The following EPHA5 variants were observed in gnomAD, a reference collection of about 807,000 sequenced individuals.
EPHA5 encodes the protein EPH receptor A5.
A neutral mutation model predicts 105.0 loss-of-function variants in EPHA5; 60 were observed. That is an observed-to-expected ratio of 0.57 (90% CI 0.46 to 0.71). The LOEUF (loss-of-function observed/expected upper bound fraction) is 0.71, where lower values mean the gene tolerates loss of function less well. EPHA5 is among the 30% of genes least tolerant of loss of function. The probability of loss-of-function intolerance (pLI) is 0.00; values close to 1 mark genes in which losing one functional copy is unlikely to be tolerated. For missense variants in EPHA5, 1,218 were observed against 1,274.7 expected (o/e 0.96, Z 0.68); for synonymous variants, 513 against 449.1 (o/e 1.14, Z -1.80).
At position 65,324,132 on chromosome 4, in the gene EPHA5, G is replaced by T. The variant is rs777006749; in HGVS notation, c.3033C>A (p.Asn1011Lys). Residue 1011 changes from asparagine (N) to lysine (K), a missense_variant, in exon 17 of 17, where the codon AAC (asparagine) becomes AAA (lysine). This residue lies in a region of EPHA5 where 971 missense variants were observed against 1,013.5 expected (regional missense o/e 0.96). Coordinates refer to ENST00000613740, the MANE Select transcript of EPHA5 (RefSeq NM_001281766.3). ...CATGAAGTTACAATGGCACCATTCC[G>T]TTTACCAGCTGCACCTTCATTTCTT... Reference protein sequence around the residue: ...SLQEMKVQLVNGMVPL With the variant: ...SLQEMKVQLVKGMVPL 6.2e-7 allele frequency: 1 copy of T among 1,608,088 alleles called. No individual in the cohort carries two copies.
chr4:65,367,755 C>A (rs1325449726), intron 8 of EPHA5, among the ~76,000 whole-genome samples: 1 of 151,914 alleles, frequency 6.6e-6, no homozygotes, highest in African/African-American at 2.4e-5. Flanking sequence ...TTTGGCAGTT[C>A]AAAAGCCACT....
intron 3 of EPHA5, among the ~76,000 whole-genome samples, chr4:65,548,384 T>C (rs1349533139): frequency 6.7e-6 from 1 of 150,000 alleles, no homozygotes; most frequent in African/African-American, 2.5e-5. Context: ...GATCAAAATA[T>C]AGAAAAGGAG....
chr4:65,381,509 T>G (rs1446204230), intron 8 of EPHA5, among the ~76,000 whole-genome samples: 1 of 151,864 alleles, frequency 6.6e-6, no homozygotes, highest in Non-Finnish European at 1.5e-5. Context: ...GCAATATATT[T>G]CATTAAAGGC....
Position 65,543,376 on chromosome 4 carries a change from TC to T in EPHA5, c.911-47834del. On this transcript the variant is annotated intron_variant, in intron 3 of 16. Coordinates refer to ENST00000613740, the MANE Select transcript of EPHA5 (RefSeq NM_001281766.3). The stretch of plus-strand genomic sequence containing the variant: ...TCTGATAAGTAACTTCAGCAAACTC[TC>T]AGGATACAAAAATCCATATGCAAAA... 2.0e-5 allele frequency among the ~76,000 whole-genome samples: 3 copies of T among 152,128 alleles called. No individual in the cohort carries two copies. The East Asian group carries it at 5.8e-4, about 29-fold the overall frequency.
chr4:65,617,235 C>T (rs373916206), intron 2 of EPHA5, among the ~76,000 whole-genome samples: 4 of 151,986 alleles, frequency 2.6e-5, no homozygotes, highest in African/African-American at 9.7e-5. Context: ...ACGCATTTTT[C>T]ATTGCACCTG....
At chr4:65,641,162 T>C (rs1747628360) in intron 2 of EPHA5, among the ~76,000 whole-genome samples, 1 of 152,196 alleles carries the variant, frequency 6.6e-6, no homozygotes, top group South Asian at 2.1e-4. Flanking sequence ...TCCTACTTCC[T>C]TTCTGTTCTT....
intron 8 of EPHA5, among the ~76,000 whole-genome samples, chr4:65,374,221 G>C (rs1017408117): frequency 6.6e-6 from 1 of 151,900 alleles, no homozygotes; most frequent in Admixed American, 6.6e-5. Context: ...GGGATATGGT[G>C]CTTAAACTTT....
chr4:65,352,690 C>T (rs753527042), intron 12 of EPHA5, among the ~76,000 whole-genome samples: 7 of 151,968 alleles, frequency 4.6e-5, no homozygotes, highest in African/African-American at 9.6e-5. Context: ...AAGAGAAAAT[C>T]GAACACTTGT....
intron 16 of EPHA5, among the ~76,000 whole-genome samples, chr4:65,329,434 T>A (rs1004908955): frequency 6.6e-6 from 1 of 151,458 alleles, no homozygotes; most frequent in Non-Finnish European, 1.5e-5. Flanking sequence ...AACCAAAATA[T>A]GTCATTCTGA....
At chr4:65,348,811 A>ATTTTTTTTTT (rs1237822654) in intron 13 of EPHA5, among the ~76,000 whole-genome samples, 1 of 56,406 alleles carries the variant, frequency 1.8e-5, no homozygotes. Context: ...ATATATATAT[A>ATTTTTTTTTT]TATATTTTTT....
intron 2 of EPHA5, among the ~76,000 whole-genome samples, chr4:65,628,416 G>T (rs1746338485): frequency 1.3e-5 from 2 of 152,060 alleles, no homozygotes; most frequent in Admixed American, 1.3e-4. Context: ...AATATCTGAT[G>T]ACATGACAGC....
chr4:65,514,896 C>T (rs1733955817), intron 3 of EPHA5, among the ~76,000 whole-genome samples: 1 of 152,126 alleles, frequency 6.6e-6, no homozygotes, highest in South Asian at 2.1e-4. Context: ...GACCTCAACT[C>T]CAATAATCAT....
intron 8 of EPHA5, 92 bp from the exon 9 acceptor site, chr4:65,367,516 C>T: frequency 8.8e-7 from 1 of 1,135,328 alleles, no homozygotes; most frequent in Non-Finnish European, 1.3e-6. Context: ...GAAATTATTG[C>T]AACCCTAAAC....
At chr4:65,414,607 T>A (rs1347444227) in intron 6 of EPHA5, among the ~76,000 whole-genome samples, 164 bp from the exon 7 acceptor site, 1 of 152,172 alleles carries the variant, frequency 6.6e-6, no homozygotes, top group African/African-American at 2.4e-5. Context: ...GTGTGCTATT[T>A]ACATAGAATA....
chr4:65,393,839 G>C (rs1320254233), intron 8 of EPHA5, among the ~76,000 whole-genome samples: 1 of 152,088 alleles, frequency 6.6e-6, no homozygotes, highest in Non-Finnish European at 1.5e-5. Flanking sequence ...ATTCTGGAAA[G>C]GTAGTTTGAA....
At chr4:65,365,846 C>G (rs2148891512) in intron 10 of EPHA5, 86 bp downstream of exon 10, 1 of 1,346,980 alleles carries the variant, frequency 7.4e-7, no homozygotes, top group East Asian at 2.4e-5. Flanking sequence ...AGATTAAAAA[C>G]ATTCTCTGTT....
At chr4:65,640,808 T>A (rs4472187) in intron 2 of EPHA5, among the ~76,000 whole-genome samples, 88,133 of 151,912 alleles carry the variant, frequency 0.58, 25,708 homozygotes, top group Middle Eastern at 0.68. Flanking sequence ...CTGAGCATAC[T>A]TACATCCTTG....
intron 3 of EPHA5, among the ~76,000 whole-genome samples, chr4:65,527,752 T>C (rs1212527615): frequency 6.6e-6 from 1 of 152,022 alleles, no homozygotes; most frequent in Non-Finnish European, 1.5e-5. Context: ...GGTAAACTTG[T>C]GTCATGGAGG....
intron 8 of EPHA5, among the ~76,000 whole-genome samples, chr4:65,381,994 T>C (rs560761580): frequency 4.1e-4 from 63 of 151,972 alleles, no homozygotes; most frequent in African/African-American, 1.5e-3. Context: ...AAGTTTTAAA[T>C]AGAGATTAAA....
Sources: allele counts gnomAD v4.1 joint callset (sites outside exome capture counted in the v4.1 genomes callset), GRCh38; gene constraint gnomAD v4.1.1; regional missense constraint gnomAD v4.1.1; transcripts MANE v1.5; gene names NCBI Gene and HGNC (gene_info 2026-07-23, HGNC 2026-07-21).